DLGAP2: variants seen among roughly 807,000 people sequenced by gnomAD.
DLGAP2 encodes disks large-associated protein 2.
DLGAP2 carries 26 observed loss-of-function variants against 100.3 expected under a neutral mutation model. That is an observed-to-expected ratio of 0.26 (90% CI 0.19 to 0.36). DLGAP2 has a LOEUF of 0.36. Among genes scored for constraint, DLGAP2 ranks in the 10% least tolerant of loss-of-function variants. The probability of loss-of-function intolerance (pLI) is 1.00; values close to 1 mark genes in which losing one functional copy is unlikely to be tolerated. For missense variants in DLGAP2, 1,858 were observed against 1,453.2 expected, an observed-to-expected ratio of 1.28 and a Z score of -4.53; for synonymous variants, 886 against 630.1, an observed-to-expected ratio of 1.41 and a Z score of -6.08.
chr8:1,691,554 T>C lies in DLGAP2; in HGVS notation c.2724T>C (p.Ser908=), dbSNP rs760016416. 3.7e-6 allele frequency: 6 copies of C among 1,614,082 alleles called. 1 individual carries two copies. The South Asian group carries it at 5.5e-5, about 15-fold the overall frequency. The change falls in exon 13 of 15, where the codon AGT becomes AGC. Residue 908 remains serine (S), a synonymous_variant. Coordinates refer to ENST00000637795, the MANE Select transcript of DLGAP2 (RefSeq NM_001346810.2). ...AAACAGTTCTCGGTAAAATCAGGAGTGCTGTTGGGAGTGCCCAGCTTCTCA... is the reference window on the plus strand; with the variant it reads ...AAACAGTTCTCGGTAAAATCAGGAGCGCTGTTGGGAGTGCCCAGCTTCTCA... The part of the protein sequence containing the change: ...LSEEILGKIR[S]AVGSAQLLMS...
intron 2 of DLGAP2, among the ~76,000 whole-genome samples, chr8:1,103,434 G>T (rs879623885): frequency 1.3e-5 from 2 of 151,378 alleles, no homozygotes; most frequent in East Asian, 2.0e-4. Context: ...CAGGGCTTTG[G>T]TTAACGGTGA....
At chr8:1,317,396 T>G in intron 3 of DLGAP2, among the ~76,000 whole-genome samples, 1 of 138,100 alleles carries the variant, frequency 7.2e-6, no homozygotes, top group African/African-American at 2.8e-5. Flanking sequence ...CCTGTGCGAG[T>G]GCAGCGTCTC....
At chr8:1,424,957 G>C (rs1048332613) in intron 3 of DLGAP2, among the ~76,000 whole-genome samples, 1 of 152,212 alleles carries the variant, frequency 6.6e-6, no homozygotes, top group Admixed American at 6.5e-5. Context: ...GGCAGTGATG[G>C]CTGCACAACA....
rs117162748 is a variant in DLGAP2, at chr8:1,361,859, C to G, written c.106+102976C>G. ...GCGTCTTCTAGTGCAGGCCTGAGCCCGGCTCCCACGGTTTCATTTCCGCTG... is the reference window on the plus strand; with the variant it reads ...GCGTCTTCTAGTGCAGGCCTGAGCCGGGCTCCCACGGTTTCATTTCCGCTG... On this transcript the variant is annotated intron_variant, in intron 3 of 14. Coordinates refer to ENST00000637795, the MANE Select transcript of DLGAP2 (RefSeq NM_001346810.2). 3.9e-5 allele frequency among the ~76,000 whole-genome samples: 6 copies of G among 152,284 alleles called. No individual in the cohort carries two copies. The East Asian group carries it at 5.8e-4, about 15-fold the overall frequency.
intron 6 of DLGAP2, among the ~76,000 whole-genome samples, chr8:1,591,363 C>G (rs1002310900): frequency 3.6e-4 from 55 of 152,322 alleles, no homozygotes; most frequent in African/African-American, 1.3e-3. Context: ...AAAGAAGGCT[C>G]TTGACTGAGC....
At chr8:1,550,421 G>A (rs546293131) in intron 5 of DLGAP2, among the ~76,000 whole-genome samples, 19 of 152,266 alleles carry the variant, frequency 1.2e-4, no homozygotes, top group African/African-American at 4.1e-4. Context: ...TCTAAACACA[G>A]TGGGCCATTT....
chr8:789,639 A>T (rs895218838), intron 1 of DLGAP2, among the ~76,000 whole-genome samples: 3 of 152,218 alleles, frequency 2.0e-5, no homozygotes, highest in African/African-American at 4.8e-5. Flanking sequence ...ACTAGTATAT[A>T]TTCTAGATAG....
At chr8:1,446,406 A>G (rs1797987454) in intron 3 of DLGAP2, among the ~76,000 whole-genome samples, 2 of 152,052 alleles carry the variant, frequency 1.3e-5, no homozygotes, top group East Asian at 1.9e-4. Context: ...GGTTGTAGAT[A>G]TGTGGCATTA....
Position 1,378,167 on chromosome 8 carries a change from G to A in DLGAP2, c.106+119284G>A, listed in dbSNP as rs199630301. 1.2e-4 allele frequency: 20 copies of A among 166,682 alleles called. No homozygotes were observed. In the East Asian group the frequency reaches 1.9e-3, roughly 16 times the overall value. 10.3% of individuals were successfully genotyped at this position (166,682 alleles called of 1,614,324 possible). A position where few individuals can be genotyped will look rare whatever the true frequency, so the allele number is the denominator to read the frequency against. On this transcript the variant is annotated intron_variant, in intron 3 of 14. Transcript: ENST00000637795. Reference sequence around the variant, plus strand: ...GTCTGACTTTGTCTGTCTGTCCTGCGCACACCTGACCTCACCTGTCCATCC... The same window carrying A: ...GTCTGACTTTGTCTGTCTGTCCTGCACACACCTGACCTCACCTGTCCATCC...
intron 4 of DLGAP2, among the ~76,000 whole-genome samples, chr8:1,506,592 C>G (rs917017725): frequency 2.0e-5 from 3 of 152,146 alleles, no homozygotes; most frequent in African/African-American, 4.8e-5. Flanking sequence ...CCACACTGCC[C>G]AAGACGATCT....
At chr8:1,093,365 AAACAC>A (rs1257383955) in intron 2 of DLGAP2, among the ~76,000 whole-genome samples, 7 of 151,778 alleles carry the variant, frequency 4.6e-5, no homozygotes, top group African/African-American at 1.7e-4. Context: ...CAACAGCCAG[AAACAC>A]CTTCACACCA....
chr8:1,103,804 G>A (rs549864575), intron 2 of DLGAP2, among the ~76,000 whole-genome samples: 17 of 151,692 alleles, frequency 1.1e-4, no homozygotes, highest in Non-Finnish European at 2.5e-4. Context: ...CTTGGTTGAC[G>A]GTGATGACTG....
At chr8:1,694,806 C>A (rs142351612) in intron 13 of DLGAP2, among the ~76,000 whole-genome samples, 3 of 152,208 alleles carry the variant, frequency 2.0e-5, no homozygotes, top group Non-Finnish European at 4.4e-5. Flanking sequence ...AGGAAAGAGG[C>A]CCTGCATGAG....
At chr8:989,844 C>T (rs548659448) in intron 2 of DLGAP2, among the ~76,000 whole-genome samples, 1 of 152,152 alleles carries the variant, frequency 6.6e-6, no homozygotes, top group Non-Finnish European at 1.5e-5. Flanking sequence ...GAGGAAGTCT[C>T]TCATGACACC....
intron 2 of DLGAP2, among the ~76,000 whole-genome samples, chr8:997,507 A>G (rs894826452): frequency 1.3e-5 from 2 of 152,180 alleles, no homozygotes; most frequent in South Asian, 4.1e-4. Flanking sequence ...TTCACTACCA[A>G]ACACACACAG....
At chr8:1,426,141 C>A (rs185086794) in intron 3 of DLGAP2, among the ~76,000 whole-genome samples, 2 of 152,242 alleles carry the variant, frequency 1.3e-5, no homozygotes, top group East Asian at 3.9e-4. Flanking sequence ...GCTGGAGAAA[C>A]TCACCTCAAG....
intron 5 of DLGAP2, among the ~76,000 whole-genome samples, chr8:1,552,893 C>G (rs1485798713): frequency 1.3e-5 from 2 of 152,204 alleles, no homozygotes; most frequent in Non-Finnish European, 2.9e-5. Flanking sequence ...TCAGGCCTCA[C>G]GTTATTCTTT....
At chr8:781,206 G>A (rs575201771) in intron 1 of DLGAP2, among the ~76,000 whole-genome samples, 5 of 152,106 alleles carry the variant, frequency 3.3e-5, no homozygotes, top group South Asian at 4.2e-4. Context: ...TATATTGCTC[G>A]GGATGGTATA....
chr8:1,210,616 C>G (rs568526222), intron 2 of DLGAP2, among the ~76,000 whole-genome samples: 3 of 152,298 alleles, frequency 2.0e-5, no homozygotes, highest in African/African-American at 7.2e-5. Context: ...GAGGGGCTCC[C>G]TCTGGGGCCT....
Sources: allele counts gnomAD v4.1 joint callset (sites outside exome capture counted in the v4.1 genomes callset), GRCh38; gene constraint gnomAD v4.1.1; transcripts MANE v1.5; gene names NCBI Gene and HGNC (gene_info 2026-07-23, HGNC 2026-07-21).